FBXL18: variants seen among roughly 807,000 people sequenced by gnomAD.
The protein encoded by FBXL18 is F-box/LRR-repeat protein 18.
FBXL18 carries 36 observed loss-of-function variants against 46.0 expected under a neutral mutation model. That is an observed-to-expected ratio of 0.78 (90% confidence interval 0.60 to 1.03). The LOEUF (loss-of-function observed/expected upper bound fraction) is 1.03. FBXL18 is among the 50% of genes least tolerant of loss of function. The pLI is 0.00. For missense variants in FBXL18, 977 were observed against 1,004.1 expected, an observed-to-expected ratio of 0.97 and a Z score of 0.36; for synonymous variants, 557 against 465.3, an observed-to-expected ratio of 1.20 and a Z score of -2.54.
At chr7:5,493,686 T>C (rs887899086) in intron 3 of FBXL18, among the ~76,000 whole-genome samples, 14 of 144,500 alleles carry the variant, frequency 9.7e-5, no homozygotes, top group African/African-American at 3.8e-4. Flanking sequence ...CGTGCGTGCG[T>C]GTGTGTGTGT....
chr7:5,457,308 A>G (rs758548872), intron 4 of FBXL18, among the ~76,000 whole-genome samples: 3 of 152,218 alleles, frequency 2.0e-5, no homozygotes, highest in Non-Finnish European at 2.9e-5. Flanking sequence ...TGGTCAGAGC[A>G]ATTGGTTCAG....
In FBXL18 at chr7:5,501,063, G is replaced by A. The variant is rs376373414; in HGVS notation, c.1206C>T (p.Gly402=). The A allele has an allele frequency of 1.3e-3, 2,073 of 1,610,152 alleles. 8 individuals are homozygous for A. In the Middle Eastern group the frequency reaches 0.016, roughly 13 times the overall value. ...AAHHHSSEGL[G]RHLCQLLARL... is the part of the protein sequence containing the mutation. ...GGGCCAGGAGCTGGCAGAGGTGGCGGCCCAGGCCCTCCGAGCTGTGGTGGT... is the reference window on the plus strand; with the variant it reads ...GGGCCAGGAGCTGGCAGAGGTGGCGACCCAGGCCCTCCGAGCTGTGGTGGT... Residue 402 remains glycine, a synonymous_variant, in exon 3 of 5, where the codon GGC becomes GGT. Coordinates refer to ENST00000382368, the MANE Select transcript of FBXL18 (RefSeq NM_024963.6).
At chr7:5,486,700 G>A (rs1006805752) in intron 4 of FBXL18, among the ~76,000 whole-genome samples, 2 of 152,202 alleles carry the variant, frequency 1.3e-5, no homozygotes, top group African/African-American at 4.8e-5. Flanking sequence ...CCGATACCCA[G>A]TCGTGTGTGA....
rs117256601 is a variant in FBXL18 at position 5,481,723 on chromosome 7, G to C, written c.*52C>G. The C allele has an allele frequency of 1.3e-6, 2 of 1,593,680 alleles. No homozygotes were observed. Among genetic ancestry groups the C allele is most frequent in the Non-Finnish European group, 8.6e-7 (1 of 1,166,886 alleles). ...AAACCAAGGGTCCCTGGCGTCCCAG[G>C]CTCCTGCAGCTTCTCGAGGTGACTG... On this transcript the variant is annotated 3_prime_UTR_variant, in exon 5 of 5. Transcript: ENST00000382368.
intron 1 of FBXL18, among the ~76,000 whole-genome samples, chr7:5,509,843 A>G (rs1020193330): frequency 1.3e-5 from 2 of 152,072 alleles, no homozygotes; most frequent in African/African-American, 4.8e-5. Context: ...AGCAGCTCGA[A>G]TGGGCCCCCA....
At position 5,491,458 on chromosome 7, in the gene FBXL18, A is replaced by G. The variant is rs1412633910; in HGVS notation, c.1782-9T>C. 3.2e-6 allele frequency: 5 copies of G among 1,562,452 alleles called. No individual in the cohort carries two copies. Among genetic ancestry groups the G allele is most frequent in the Non-Finnish European group, 8.7e-7 (1 of 1,154,510 alleles). On this transcript the variant is annotated splice_polypyrimidine_tract_variant and intron_variant, in intron 3 of 4. Coordinates refer to ENST00000382368, the MANE Select transcript of FBXL18 (RefSeq NM_024963.6). ...AGTAGGGCTGCTCCAGCCTGCGGGG[A>G]GAGAGGGCAGCTGTGAGGTCCGAGG...
chr7:5,465,116 A>T (rs969199374), intron 4 of FBXL18, among the ~76,000 whole-genome samples: 1 of 152,170 alleles, frequency 6.6e-6, no homozygotes, highest in Non-Finnish European at 1.5e-5. Flanking sequence ...ATAAAAGATC[A>T]TATCGTATCT....
chr7:5,498,140 G>A (rs1562698040), intron 3 of FBXL18, among the ~76,000 whole-genome samples: 2 of 149,844 alleles, frequency 1.3e-5, no homozygotes, highest in African/African-American at 2.5e-5. Flanking sequence ...GAGTGCAGCG[G>A]CCAGTGGCGC....
At chr7:5,498,543 C>T (rs1784145467) in intron 3 of FBXL18, among the ~76,000 whole-genome samples, 2 of 152,334 alleles carry the variant, frequency 1.3e-5, no homozygotes, top group South Asian at 4.1e-4. Flanking sequence ...GCGTGAGCCG[C>T]CACGCCCGGC....
rs759380957 is a variant in FBXL18 at position 5,500,712 on chromosome 7, G to C, written c.1557C>G (p.Val519=). The change falls in exon 3 of 5, where the codon GTC becomes GTG. Residue 519 remains valine (V), a synonymous_variant. Coordinates refer to ENST00000382368, the MANE Select transcript of FBXL18 (RefSeq NM_024963.6). ...SLPPCSRAQS[V]GDSEVAAIGQ... ...CGATGGCGGCCACCTCCGAGTCCCC[G>C]ACACTCTGTGCGCGGCTGCAGGGTG... The C allele has an allele frequency of 2.7e-5, 44 of 1,611,586 alleles. 1 individual carries two copies. In the Admixed American group the frequency reaches 5.2e-4, roughly 19 times the overall value.
At chr7:5,482,941 G>C (rs1783685236) in intron 4 of FBXL18, among the ~76,000 whole-genome samples, 1 of 152,032 alleles carries the variant, frequency 6.6e-6, no homozygotes, top group Non-Finnish European at 1.5e-5. Context: ...GGGAGGCTGA[G>C]GCAGGAGGAC....
intron 4 of FBXL18, among the ~76,000 whole-genome samples, chr7:5,457,883 G>T (rs1490806058): frequency 2.6e-5 from 4 of 152,152 alleles, no homozygotes; most frequent in Non-Finnish European, 5.9e-5. Flanking sequence ...CCTCGCCGGG[G>T]AAAGGAACCC....
chr7:5,504,040 G>C (rs1175394075), intron 2 of FBXL18, among the ~76,000 whole-genome samples: 2 of 151,148 alleles, frequency 1.3e-5, no homozygotes, highest in Admixed American at 6.6e-5. Flanking sequence ...CCTCTGCAGA[G>C]AACAAAGCTT....
intron 4 of FBXL18, among the ~76,000 whole-genome samples, chr7:5,463,741 T>TTTTA (rs1783298537): frequency 4.3e-5 from 2 of 46,202 alleles, no homozygotes; most frequent in South Asian, 1.4e-3. Context: ...TTTTTTTTTT[T>TTTTA]TTTTTTTTTT....
chr7:5,508,094 C>T (rs1363828454), intron 1 of FBXL18, among the ~76,000 whole-genome samples: 1 of 151,788 alleles, frequency 6.6e-6, no homozygotes, highest in Non-Finnish European at 1.5e-5. Context: ...AGTGAAACCC[C>T]ATCTCTACTA....
intron 4 of FBXL18, among the ~76,000 whole-genome samples, chr7:5,456,008 A>T (rs533201042): frequency 6.6e-6 from 1 of 151,652 alleles, no homozygotes; most frequent in Admixed American, 6.6e-5. Flanking sequence ...AACCCCAAGA[A>T]CCCGTTTGCC....
chr7:5,512,112 G>T (rs575583869), intron 1 of FBXL18, among the ~76,000 whole-genome samples: 22 of 150,774 alleles, frequency 1.5e-4, no homozygotes, highest in African/African-American at 5.3e-4. Flanking sequence ...GGGCGTGGTG[G>T]CGGGCGCCCG....
At chr7:5,470,502 T>C (rs1297524927) in intron 4 of FBXL18, among the ~76,000 whole-genome samples, 1 of 152,152 alleles carries the variant, frequency 6.6e-6, no homozygotes, top group Non-Finnish European at 1.5e-5. Flanking sequence ...AAACCCGCAG[T>C]TCTGAGCTGC....
intron 2 of FBXL18, among the ~76,000 whole-genome samples, chr7:5,503,299 G>A (rs2128237990): frequency 1.3e-5 from 2 of 152,340 alleles, no homozygotes; most frequent in South Asian, 4.1e-4. Flanking sequence ...CAGGAGGATG[G>A]CTTGAGCCTG....
Sources: allele counts gnomAD v4.1 joint callset (sites outside exome capture counted in the v4.1 genomes callset), GRCh38; gene constraint gnomAD v4.1.1; transcripts MANE v1.5; gene names NCBI Gene and HGNC (gene_info 2026-07-23, HGNC 2026-07-21).